The following BACE2 variants were observed in gnomAD, a reference collection of about 807,000 sequenced individuals.
BACE2 encodes the protein 56 kDa aspartic-like protease.
Under a neutral mutation model 46.2 loss-of-function variants are expected in BACE2, and 17 were observed. The observed-to-expected ratio is 0.37, with a 90% confidence interval of 0.25 to 0.55. The LOEUF is 0.55. Among genes scored for constraint, BACE2 ranks in the 20% least tolerant of loss-of-function variants. The probability of loss-of-function intolerance (pLI) is 0.82; values close to 1 mark genes in which losing one functional copy is unlikely to be tolerated. For synonymous variants in BACE2, 277 were observed against 295.9 expected (o/e 0.94, Z 0.66); for missense variants, 595 against 698.1 (o/e 0.85, Z 1.66).
intron 1 of BACE2, among the ~76,000 whole-genome samples, chr21:41,213,696 C>T (rs549654484): frequency 6.6e-6 from 1 of 152,146 alleles, no homozygotes; most frequent in African/African-American, 2.4e-5. Context: ...GTCGCTTGAA[C>T]CCGGGAGGTA....
intron 1 of BACE2, among the ~76,000 whole-genome samples, chr21:41,189,739 TAGTC>T (rs1303772291): frequency 6.6e-6 from 1 of 152,188 alleles, no homozygotes; most frequent in Non-Finnish European, 1.5e-5. Context: ...ATTGTTTTAT[TAGTC>T]AGGGTTCTGT....
Position 41,246,668 on chromosome 21 carries a change from G to T in BACE2, c.984+605G>T, listed in dbSNP as rs532289533. Among the ~76,000 whole-genome samples, 50 of 152,292 alleles carry T rather than the reference G, an allele frequency of 3.3e-4. No homozygotes were observed. In the South Asian group the frequency reaches 9.7e-3, roughly 30 times the overall value. On this transcript the variant is annotated intron_variant, in intron 6 of 8. Transcript: ENST00000330333. ...CTGAAATACAATTAAAATTATGATT[G>T]TGGACAATATGCCTTTTCGGGACCT...
intron 1 of BACE2, among the ~76,000 whole-genome samples, chr21:41,221,720 C>G (rs1436381880): frequency 6.6e-6 from 1 of 150,444 alleles, no homozygotes; most frequent in Non-Finnish European, 1.5e-5. Context: ...CCCAGCTACT[C>G]GGGAGGCTGA....
chr21:41,198,783 C>T (rs1456369888), intron 1 of BACE2, among the ~76,000 whole-genome samples: 1 of 152,116 alleles, frequency 6.6e-6, no homozygotes, highest in East Asian at 1.9e-4. Flanking sequence ...GCTTCTGGAG[C>T]TTCAACCGAA....
intron 2 of BACE2, among the ~76,000 whole-genome samples, 177 bp downstream of exon 2, chr21:41,226,531 A>G (rs1397164118): frequency 6.6e-6 from 1 of 152,254 alleles, no homozygotes; most frequent in Non-Finnish European, 1.5e-5. Flanking sequence ...TGTTCATTCC[A>G]TCCACAAATC....
intron 8 of BACE2, among the ~76,000 whole-genome samples, chr21:41,264,309 A>G (rs1237680362): frequency 6.6e-6 from 1 of 151,946 alleles, no homozygotes; most frequent in Non-Finnish European, 1.5e-5. Context: ...ATAGCCGGGC[A>G]CAGTGGCTCA....
Position 41,241,854 on chromosome 21 carries a change from G to A in BACE2, c.654G>A (p.Leu218=). 1 of 1,614,184 alleles carries A rather than the reference G, an allele frequency of 6.2e-7. No homozygotes were observed. Among genetic ancestry groups the A allele is most frequent in the Non-Finnish European group, 8.5e-7 (1 of 1,180,022 alleles). The change falls in exon 4 of 9, where the codon CTG becomes CTA. Residue 218 remains leucine (L), a synonymous_variant. Coordinates refer to ENST00000330333, the MANE Select transcript of BACE2 (RefSeq NM_012105.5). ...CTCTGGAGACCTTCTTCGACTCCCTGGTGACACAAGCAAACATCCCCAACG... is the reference window on the plus strand; with the variant it reads ...CTCTGGAGACCTTCTTCGACTCCCTAGTGACACAAGCAAACATCCCCAACG... ...SSSLETFFDS[L]VTQANIPNVF...
intron 1 of BACE2, among the ~76,000 whole-genome samples, chr21:41,173,212 AT>A (rs979509159): frequency 1.3e-5 from 2 of 151,928 alleles, no homozygotes; most frequent in African/African-American, 2.4e-5. Flanking sequence ...CATTCTATGG[AT>A]TTTTTTTCTT....
At chr21:41,246,813 T>C (rs1053848004) in intron 6 of BACE2, among the ~76,000 whole-genome samples, 1 of 152,196 alleles carries the variant, frequency 6.6e-6, no homozygotes, top group Non-Finnish European at 1.5e-5. Context: ...TTGCCACTTT[T>C]AGCTGGATGC....
chr21:41,243,508 G>C lies in BACE2; in HGVS notation c.880G>C (p.Glu294Gln). The change falls in exon 5 of 9, where the codon GAG becomes CAG. Residue 294 changes from glutamate to glutamine, a missense_variant and splice_region_variant. Glu to Gln is a conservative substitution (Grantham distance 29, BLOSUM62 2). This residue lies in a region of BACE2 where 343 missense variants were observed against 419.4 expected (regional missense o/e 0.82). Coordinates refer to ENST00000330333, the MANE Select transcript of BACE2 (RefSeq NM_012105.5). ...CCAAAGCCTTAATCTGGACTGCAGA[G>C]AGGTATTTATGCTATGGTCTCTGTT... ...GGQSLNLDCR[E>Q]YNADKAIVDS... 1 of 1,608,462 alleles carries C rather than the reference G, an allele frequency of 6.2e-7. No homozygotes were observed. The highest frequency in any genetic ancestry group is 8.5e-7 in the Non-Finnish European group (1 of 1,177,832).
Position 41,168,236 on chromosome 21 carries a change from G to T in BACE2, c.-28G>T. ...GGACGGGACGGGACCGGCTAGGCTG[G>T]GCGCGCCCCCCGGGCCCCGCCGTGG... On this transcript the variant is annotated 5_prime_UTR_variant, in exon 1 of 9. Transcript: ENST00000330333. 8.8e-7 allele frequency: 1 copy of T among 1,132,290 alleles called. No individual in the cohort carries two copies. The highest frequency in any genetic ancestry group is 4.3e-5 in the South Asian group (1 of 23,262). The allele number at this position is 1,132,290 out of a possible 1,614,324, so 70.1% of individuals were successfully genotyped here. A position where few individuals can be genotyped will look rare whatever the true frequency, so the allele number is the denominator to read the frequency against.
At chr21:41,210,550 T>C (rs1986266498) in intron 1 of BACE2, among the ~76,000 whole-genome samples, 1 of 152,068 alleles carries the variant, frequency 6.6e-6, no homozygotes, top group Admixed American at 6.6e-5. Context: ...GGCCCGGAGA[T>C]CAGCCAGATT....
chr21:41,251,686 A>G lies in BACE2; in HGVS notation c.1134+785A>G, dbSNP rs556262654. Reference sequence around the variant, plus strand: ...CGTGATGGTGCATGCCTGTAATCCCAGCTACCCCGGAGGCTGAGGCAGGAG... The same window carrying G: ...CGTGATGGTGCATGCCTGTAATCCCGGCTACCCCGGAGGCTGAGGCAGGAG... On this transcript the variant is annotated intron_variant, in intron 7 of 8. Transcript: ENST00000330333. Among the ~76,000 whole-genome samples the G allele has an allele frequency of 9.2e-5, 14 of 152,214 alleles. No individual in the cohort carries two copies. The East Asian group carries it at 2.7e-3, about 29-fold the overall frequency.
chr21:41,237,776 T>C, intron 3 of BACE2, 47 bp downstream of exon 3: 1 of 1,534,508 alleles, frequency 6.5e-7, no homozygotes, highest in Non-Finnish European at 9.0e-7. Context: ...CAGGATGAGA[T>C]TCTGAAAATC....
At chr21:41,264,232 G>A (rs1243605254) in intron 8 of BACE2, among the ~76,000 whole-genome samples, 1 of 150,166 alleles carries the variant, frequency 6.7e-6, no homozygotes, top group Non-Finnish European at 1.5e-5. Flanking sequence ...TTTCTTTTGA[G>A]TTTTTCATTT....
chr21:41,274,464 A>G (rs1042302255), intron 8 of BACE2, among the ~76,000 whole-genome samples: 3 of 152,122 alleles, frequency 2.0e-5, no homozygotes, highest in Non-Finnish European at 4.4e-5. Context: ...CAAAATATTC[A>G]TTTCTGTGAT....
At chr21:41,200,419 G>A (rs1985925587) in intron 1 of BACE2, among the ~76,000 whole-genome samples, 1 of 152,200 alleles carries the variant, frequency 6.6e-6, no homozygotes, top group African/African-American at 2.4e-5. Context: ...CCAAGCGAAT[G>A]TGGACTCCGC....
chr21:41,196,327 A>G (rs200020976), intron 1 of BACE2, among the ~76,000 whole-genome samples: 28 of 151,422 alleles, frequency 1.8e-4, no homozygotes, highest in Non-Finnish European at 3.1e-4. Flanking sequence ...AAAAAAAAAA[A>G]AGAGAGAGAG....
intron 1 of BACE2, among the ~76,000 whole-genome samples, chr21:41,224,523 C>T (rs1354953507): frequency 2.0e-5 from 3 of 152,158 alleles, no homozygotes; most frequent in Non-Finnish European, 4.4e-5. Context: ...CTTTTTAAAC[C>T]TGTTTTTCAA....
Sources: allele counts gnomAD v4.1 joint callset (sites outside exome capture counted in the v4.1 genomes callset), GRCh38; gene constraint gnomAD v4.1.1; regional missense constraint gnomAD v4.1.1; transcripts MANE v1.5; gene names NCBI Gene and HGNC (gene_info 2026-07-23, HGNC 2026-07-21).